The following PLCL2 variants were observed in gnomAD, a reference collection of about 807,000 sequenced individuals.
PLCL2 encodes inactive phospholipase C-like protein 2.
A neutral mutation model predicts 79.6 loss-of-function variants in PLCL2; 4 were observed. The observed-to-expected ratio is 0.05, with a 90% CI of 0.02 to 0.11. PLCL2 has a LOEUF of 0.11. Ranked by LOEUF, PLCL2 falls within the 10% of genes least tolerant of loss-of-function variation. PLCL2 has a pLI of 1.00. For missense variants in PLCL2, 895 were observed against 1,291.0 expected, an observed-to-expected ratio of 0.69 and a Z score of 4.70; for synonymous variants, 484 against 457.7, an observed-to-expected ratio of 1.06 and a Z score of -0.73.
At chr3:17,013,080 C>A (rs1285828129) in intron 2 of PLCL2, among the ~76,000 whole-genome samples, 1 of 152,168 alleles carries the variant, frequency 6.6e-6, no homozygotes, top group Non-Finnish European at 1.5e-5. Flanking sequence ...AATTTGTTTT[C>A]TTTCTCTTAA....
At position 16,887,089 on chromosome 3, in the gene PLCL2, G is replaced by A. The variant is rs1696243224; in HGVS notation, c.327+1723G>A. Among the ~76,000 whole-genome samples, 1 of 152,168 alleles carries A rather than the reference G, an allele frequency of 6.6e-6. No homozygotes were observed. Among genetic ancestry groups the A allele is most frequent in the East Asian group, 1.9e-4 (1 of 5,202 alleles). On this transcript the variant is annotated intron_variant, in intron 1 of 5. Coordinates refer to ENST00000615277, the MANE Select transcript of PLCL2 (RefSeq NM_001144382.2). The surrounding 1 kb of genome is among the most constrained non-coding windows in gnomAD (Gnocchi z 4.1). The stretch of plus-strand genomic sequence containing the variant: ...AGAAGGATGATTTGTTAGTATTTCT[G>A]ATATATGGAATTGGGAACTTGTCAA...
chr3:16,916,636 A>G (rs1697002064), intron 1 of PLCL2, among the ~76,000 whole-genome samples: 1 of 152,234 alleles, frequency 6.6e-6, no homozygotes, highest in Non-Finnish European at 1.5e-5. Flanking sequence ...TGTGGCATCA[A>G]ATGAGTGTGC....
chr3:16,919,358 C>T (rs1697071202), intron 1 of PLCL2, among the ~76,000 whole-genome samples: 1 of 152,070 alleles, frequency 6.6e-6, no homozygotes, highest in South Asian at 2.1e-4. Flanking sequence ...TTTTACAACC[C>T]ACTGCATATG....
intron 1 of PLCL2, among the ~76,000 whole-genome samples, chr3:16,943,550 A>G (rs1458788000): frequency 3.3e-5 from 5 of 152,240 alleles, no homozygotes; most frequent in African/African-American, 1.2e-4. Flanking sequence ...GACTGCAGAA[A>G]GGCTTATAAA....
At chr3:17,072,487 G>A (rs1257270064) in intron 5 of PLCL2, among the ~76,000 whole-genome samples, 1 of 152,006 alleles carries the variant, frequency 6.6e-6, no homozygotes, top group Non-Finnish European at 1.5e-5. Context: ...TGGCCAACAT[G>A]ACGAAACCCC....
intron 5 of PLCL2, chr3:17,081,347 T>G (rs1575621523): frequency 2.3e-6 from 1 of 433,866 alleles, no homozygotes; most frequent in Admixed American, 2.4e-5. Context: ...GTCTTCAACA[T>G]CCAAGCATGT....
chr3:16,890,250 T>C (rs1456965530), intron 1 of PLCL2, among the ~76,000 whole-genome samples: 1 of 152,226 alleles, frequency 6.6e-6, no homozygotes, highest in Non-Finnish European at 1.5e-5. Context: ...CCCAAATGGT[T>C]GTATTTGATT....
intron 1 of PLCL2, among the ~76,000 whole-genome samples, chr3:16,913,493 A>G (rs1314845203): frequency 1.3e-5 from 2 of 151,896 alleles, no homozygotes; most frequent in African/African-American, 4.8e-5. Flanking sequence ...TTCTGTTATG[A>G]TTAGTAAGCA....
In PLCL2 at chr3:16,888,778, G is replaced by A. The variant is rs545598557; in HGVS notation, c.327+3412G>A. 2.9e-4 allele frequency among the ~76,000 whole-genome samples: 44 copies of A among 152,266 alleles called. No individual in the cohort carries two copies. In the East Asian group the frequency reaches 8.1e-3, roughly 28 times the overall value. On this transcript the variant is annotated intron_variant, in intron 1 of 5. Coordinates refer to ENST00000615277, the MANE Select transcript of PLCL2 (RefSeq NM_001144382.2). ...TTTTAGGCCTTAGATTTCTGTTTAA[G>A]TTTAGAAAGAAATGAAGTTAAAATG... is the stretch of plus-strand genomic sequence containing the variant.
At position 17,010,550 on chromosome 3, in the gene PLCL2, A is replaced by G; in HGVS notation, c.1204A>G (p.Ile402Val). 6.2e-7 allele frequency: 1 copy of G among 1,614,178 alleles called. No homozygotes were observed. The highest frequency in any genetic ancestry group is 1.1e-5 in the South Asian group (1 of 91,072). Residue 402 changes from isoleucine to valine, a missense_variant, in exon 2 of 6, where the codon ATA becomes GTA. By Grantham distance (29) the Ile-to-Val change is conservative. This residue lies in a region of PLCL2 where 242 missense variants were observed against 399.5 expected (regional missense o/e 0.61). Coordinates refer to ENST00000615277, the MANE Select transcript of PLCL2 (RefSeq NM_001144382.2). The surrounding 1 kb of genome is among the most constrained non-coding windows in gnomAD (Gnocchi z 5.8). Reference sequence around the variant, plus strand: ...GGGTCAGGAAAAGGGCTGGCTCTCCATAGACGGGTTCACTAATTACCTTAT... The same window carrying G: ...GGGTCAGGAAAAGGGCTGGCTCTCCGTAGACGGGTTCACTAATTACCTTAT... ...KEGQEKGWLS[I>V]DGFTNYLMSP...
At chr3:16,962,917 C>A (rs1330292238) in intron 1 of PLCL2, among the ~76,000 whole-genome samples, 4 of 151,928 alleles carry the variant, frequency 2.6e-5, no homozygotes, top group Admixed American at 6.6e-5. Flanking sequence ...AACACACTTG[C>A]AAGTACTTGA....
At chr3:17,036,864 T>G (rs1016586317) in intron 3 of PLCL2, among the ~76,000 whole-genome samples, 21 of 152,222 alleles carry the variant, frequency 1.4e-4, no homozygotes, top group African/African-American at 5.1e-4. Flanking sequence ...TCTGAGTGGC[T>G]CCTCACGTGG....
rs1206985382 is a variant in PLCL2 at position 16,885,285 on chromosome 3, C to T, written c.246C>T (p.Ala82=). ...PTRGPRGVAL[A]PTPSAVVCTL... ...GGGGACCCCGCGGCGTTGCGCTCGC[C>T]CCGACCCCCAGCGCGGTCGTCTGTA... The change falls in exon 1 of 6, where the codon GCC becomes GCT. Residue 82 remains alanine, a synonymous_variant. Coordinates refer to ENST00000615277, the MANE Select transcript of PLCL2 (RefSeq NM_001144382.2). 7.6e-6 allele frequency: 5 copies of T among 661,560 alleles called. No homozygotes were observed. Among genetic ancestry groups the T allele is most frequent in the Non-Finnish European group, 1.4e-5 (5 of 366,028 alleles). The allele number at this position is 661,560 out of a possible 1,614,324, so 41.0% of individuals were successfully genotyped here. A position where few individuals can be genotyped will look rare whatever the true frequency, so the allele number is the denominator to read the frequency against.
intron 1 of PLCL2, among the ~76,000 whole-genome samples, chr3:16,997,527 CTTTTCT>C (rs2064166027): frequency 7.1e-6 from 1 of 140,926 alleles, no homozygotes; most frequent in Non-Finnish European, 1.6e-5. Flanking sequence ...ACATTAATTT[CTTTTCT>C]TTTTTTTTTT....
At chr3:17,063,646 TC>T (rs1176489210) in intron 4 of PLCL2, among the ~76,000 whole-genome samples, 2 of 152,068 alleles carry the variant, frequency 1.3e-5, no homozygotes, top group Non-Finnish European at 2.9e-5. Context: ...GTGCTGCCTG[TC>T]CCCACCATTC....
At chr3:16,967,912 T>C (rs2063822709) in intron 1 of PLCL2, among the ~76,000 whole-genome samples, 2 of 152,156 alleles carry the variant, frequency 1.3e-5, no homozygotes, top group Non-Finnish European at 2.9e-5. Context: ...CATTTAAGTC[T>C]TTAGTCCATC....
chr3:17,066,452 T>C (rs997561670), intron 4 of PLCL2, among the ~76,000 whole-genome samples: 5 of 152,214 alleles, frequency 3.3e-5, no homozygotes, highest in African/African-American at 9.7e-5. Context: ...AGGAATAAAG[T>C]TGTTGTCAAT....
intron 3 of PLCL2, among the ~76,000 whole-genome samples, chr3:17,039,464 A>G (rs1326918448): frequency 6.6e-6 from 1 of 152,250 alleles, no homozygotes; most frequent in East Asian, 1.9e-4. Context: ...CAATAGTGCA[A>G]AAGTTGAAGA....
chr3:16,926,856 C>T (rs1697266957), intron 1 of PLCL2, among the ~76,000 whole-genome samples: 1 of 152,010 alleles, frequency 6.6e-6, no homozygotes, highest in Non-Finnish European at 1.5e-5. Context: ...GTCTCGGTCT[C>T]CTGACCTTGT....
Sources: allele counts gnomAD v4.1 joint callset (sites outside exome capture counted in the v4.1 genomes callset), GRCh38; gene constraint gnomAD v4.1.1; regional missense constraint gnomAD v4.1.1; non-coding constraint Gnocchi (gnomAD v3.1); transcripts MANE v1.5; gene names NCBI Gene and HGNC (gene_info 2026-07-23, HGNC 2026-07-21).